HMX1: variants seen among roughly 807,000 people sequenced by gnomAD.
HMX1 encodes H6 family homeobox 1.
HMX1 carries 8 observed loss-of-function variants against 8.9 expected under a neutral mutation model. The ratio of observed to expected loss-of-function variants is 0.90; its 90% CI spans 0.53 to 1.63. The LOEUF (loss-of-function observed/expected upper bound fraction) is 1.63, where lower values mean the gene tolerates loss of function less well. Ranked by LOEUF, HMX1 falls within the 40% of genes most tolerant of loss-of-function variation. The probability of loss-of-function intolerance (pLI) is 0.00; values close to 1 mark genes in which losing one functional copy is unlikely to be tolerated. For missense variants in HMX1, 621 were observed against 558.5 expected, an observed-to-expected ratio of 1.11 and a Z score of -1.13; for synonymous variants, 311 against 283.4, an observed-to-expected ratio of 1.10 and a Z score of -0.98.
At chr4:8,859,978 G>C (rs919394334) in intron 1 of HMX1, among the ~76,000 whole-genome samples, 59 of 152,378 alleles carry the variant, frequency 3.9e-4, no homozygotes, top group African/African-American at 1.3e-3. Flanking sequence ...ACAACTGCCC[G>C]TGGTGGGAGT....
In HMX1 at chr4:8,868,264, G is replaced by A. The variant is rs1225428085; in HGVS notation, c.476C>T (p.Ala159Val). The change falls in exon 2 of 2, where the codon GCG becomes GTG. Residue 159 changes from alanine (A) to valine (V), a missense_variant. Transcript: ENST00000400677. This position sits in a 1 kb window ranked among gnomAD's most constrained non-coding sequence, Gnocchi z 4.6. ...CAGCTCCGCTGCCTCCCGCTGCACC[G>A]CTCCCGGCCCGGGGCCTCGCGGCCA... ...GAWPRGPGPGAVQREAAELAA... is the reference protein window; with the variant it reads ...GAWPRGPGPGVVQREAAELAA... 13 of 1,439,260 alleles carry A rather than the reference G, an allele frequency of 9.0e-6. No individual in the cohort carries two copies. The Admixed American group carries it at 3.5e-4, about 39-fold the overall frequency. 89.2% of individuals were successfully genotyped at this position (1,439,260 alleles called of 1,614,324 possible). A position where few individuals can be genotyped will look rare whatever the true frequency, so the allele number is the denominator to read the frequency against.
In HMX1 at chr4:8,871,361, G is replaced by A. The variant is rs1722212738; in HGVS notation, c.254C>T (p.Ala85Val). Residue 85 changes from alanine to valine, a missense_variant, in exon 1 of 2, where the codon GCG (alanine) becomes GTG (valine). Transcript: ENST00000400677. The surrounding 1 kb of genome is among the most constrained non-coding windows in gnomAD (Gnocchi z 4.8). ...GCCCAGCGCGCCCGGCCCGAGCAGC[G>A]CACGGGCCCGCGCCTCCCCGCCGGG... is the stretch of plus-strand genomic sequence containing the variant. ...TGPGGEARAR[A>V]LLGPGALGLG... 2 of 1,241,860 alleles carry A rather than the reference G, an allele frequency of 1.6e-6. No homozygotes were observed. Among genetic ancestry groups the A allele is most frequent in the Non-Finnish European group, 2.0e-6 (2 of 993,466 alleles). 76.9% of individuals were successfully genotyped at this position (1,241,860 alleles called of 1,614,324 possible).
chr4:8,866,693 G>C (rs941103098), downstream of HMX1, among the ~76,000 whole-genome samples: 1 of 152,236 alleles, frequency 6.6e-6, no homozygotes, highest in Non-Finnish European at 1.5e-5. Context: ...GGAAATGGCT[G>C]TGCACACGGG....
chr4:8,857,537 G>T (rs1179422008), intron 1 of HMX1, among the ~76,000 whole-genome samples: 1 of 152,152 alleles, frequency 6.6e-6, no homozygotes, highest in African/African-American at 2.4e-5. Context: ...CGGAAGTGAC[G>T]GCTGACCTAG....
chr4:8,863,047 G>C (rs899818937), downstream of HMX1, among the ~76,000 whole-genome samples: 2 of 23,686 alleles, frequency 8.4e-5, no homozygotes, highest in Non-Finnish European at 1.4e-4. Flanking sequence ...ACGAATTTCC[G>C]GTGGCTGGGA....
At chr4:8,855,492 TCTC>T (rs993144334) in intron 1 of HMX1, among the ~76,000 whole-genome samples, 2 of 151,264 alleles carry the variant, frequency 1.3e-5, no homozygotes, top group African/African-American at 4.9e-5. Context: ...AGGCGGGAGG[TCTC>T]CTAGCACACT....
intron 1 of HMX1, chr4:8,846,444 G>A: frequency 1.4e-6 from 1 of 734,900 alleles, no homozygotes; most frequent in Non-Finnish European, 2.2e-6. Flanking sequence ...CTCACAGAGT[G>A]GTCTCCAAAC....
chr4:8,852,648 C>T (rs1261369217), intron 1 of HMX1, among the ~76,000 whole-genome samples: 1 of 152,202 alleles, frequency 6.6e-6, no homozygotes, highest in Admixed American at 6.5e-5. Flanking sequence ...ACTGGTGCAG[C>T]TGAAGGGCTT....
rs1461878201 is a variant in HMX1 at position 8,853,494 on chromosome 4, G to A, written c.395-7170C>T. On this transcript the variant is annotated intron_variant, in intron 1 of 1. Transcript: ENST00000506970. The surrounding 1 kb of genome is among the most constrained non-coding windows in gnomAD (Gnocchi z 4.7). The stretch of plus-strand genomic sequence containing the variant: ...CGGGCTGAGCTGCAAGGGAGGCTGG[G>A]AAATGTAGTCTTTAGCTAAGTGCCC... Among the ~76,000 whole-genome samples the A allele has an allele frequency of 6.6e-6, 1 of 152,194 alleles. No homozygotes were observed. Among genetic ancestry groups the A allele is most frequent in the African/African-American group, 2.4e-5 (1 of 41,442 alleles).
chr4:8,865,002 C>T (rs1163864317), downstream of HMX1, among the ~76,000 whole-genome samples: 1 of 152,238 alleles, frequency 6.6e-6, no homozygotes, highest in African/African-American at 2.4e-5. Context: ...GGCTTGGTGA[C>T]CGGTTCCATG....
chr4:8,868,741 C>T lies in HMX1; in HGVS notation c.395-396G>A, dbSNP rs948050910. Among the ~76,000 whole-genome samples, 1 of 152,164 alleles carries T rather than the reference C, an allele frequency of 6.6e-6. No individual in the cohort carries two copies. Among genetic ancestry groups the T allele is most frequent in the Non-Finnish European group, 1.5e-5 (1 of 68,032 alleles). Reference sequence around the variant, plus strand: ...GCGGCCCGGAAAAACACACAAACCTCCCGCAGAAGTCCCGGGACAAGAGGA... The same window carrying T: ...GCGGCCCGGAAAAACACACAAACCTTCCGCAGAAGTCCCGGGACAAGAGGA... On this transcript the variant is annotated intron_variant, in intron 1 of 1. Coordinates refer to ENST00000400677, the MANE Select transcript of HMX1 (RefSeq NM_018942.3). This position sits in a 1 kb window ranked among gnomAD's most constrained non-coding sequence, Gnocchi z 4.6.
At chr4:8,855,382 A>G (rs1298774616) in intron 1 of HMX1, among the ~76,000 whole-genome samples, 5 of 152,208 alleles carry the variant, frequency 3.3e-5, no homozygotes, top group Non-Finnish European at 5.9e-5. Context: ...CTTGTCCCCA[A>G]GGAGCTCACA....
chr4:8,853,869 G>A lies in HMX1; in HGVS notation c.395-7545C>T, dbSNP rs1224248316. 2.6e-5 allele frequency among the ~76,000 whole-genome samples: 4 copies of A among 152,200 alleles called. No homozygotes were observed. The highest frequency in any genetic ancestry group is 2.1e-4 in the South Asian group (1 of 4,822). ...ATTCCATCTCAAAAAAAAGGGGGGC[G>A]GGGGAAGAATGGATCCCCCTTTCCT... On this transcript the variant is annotated intron_variant, in intron 1 of 1. Coordinates refer to the HMX1 transcript ENST00000506970. The surrounding 1 kb of genome is among the most constrained non-coding windows in gnomAD (Gnocchi z 4.7).
chr4:8,857,639 A>C (rs548342798), intron 1 of HMX1, among the ~76,000 whole-genome samples: 1 of 151,668 alleles, frequency 6.6e-6, no homozygotes, highest in East Asian at 2.0e-4. Flanking sequence ...GCGAGCACGC[A>C]GGGGTCTCCC....
rs1364147189 is a variant in HMX1, at chr4:8,867,113, G to A, written c.*580C>T. ...GATTCATTTAAAAAAACAACAACCC[G>A]GAGGCTGCGACGTCTGCAGAGAGCC... On this transcript the variant is annotated 3_prime_UTR_variant, in exon 2 of 2. Transcript: ENST00000400677. The A allele has an allele frequency of 1.0e-6, 1 of 985,474 alleles. No individual in the cohort carries two copies. Among genetic ancestry groups the A allele is most frequent in the South Asian group, 4.7e-5 (1 of 21,280 alleles). 61.0% of individuals were successfully genotyped at this position (985,474 alleles called of 1,614,324 possible). A position where few individuals can be genotyped will look rare whatever the true frequency, so the allele number is the denominator to read the frequency against.
At chr4:8,857,041 G>A (rs1250507811) in intron 1 of HMX1, among the ~76,000 whole-genome samples, 2 of 152,164 alleles carry the variant, frequency 1.3e-5, no homozygotes, top group African/African-American at 4.8e-5. Context: ...CCCTGATCGC[G>A]ACACTGCACT....
rs1721530270 is a variant in HMX1 at position 8,853,883 on chromosome 4, TC to T, written c.395-7560del. On this transcript the variant is annotated intron_variant, in intron 1 of 1. Transcript: ENST00000506970. This position sits in a 1 kb window ranked among gnomAD's most constrained non-coding sequence, Gnocchi z 4.7. ...AAAAGGGGGGCGGGGGAAGAATGGA[TC>T]CCCCTTTCCTCACTCTGAGATCAGA... Among the ~76,000 whole-genome samples the T allele has an allele frequency of 6.6e-6, 1 of 152,076 alleles. No individual in the cohort carries two copies. The highest frequency in any genetic ancestry group is 1.5e-5 in the Non-Finnish European group (1 of 68,010).
At chr4:8,862,354 T>C (rs966335528), downstream of HMX1, among the ~76,000 whole-genome samples, 16 of 152,206 alleles carry the variant, frequency 1.1e-4, no homozygotes, top group African/African-American at 3.9e-4. Context: ...AAACCCCTAA[T>C]GTTTCTTGGT....
At chr4:8,860,004 C>T (rs1425041892) in intron 1 of HMX1, among the ~76,000 whole-genome samples, 1 of 152,260 alleles carries the variant, frequency 6.6e-6, no homozygotes, top group Non-Finnish European at 1.5e-5. Flanking sequence ...GCTTAGGTCC[C>T]CATTAGAACC....
Sources: allele counts gnomAD v4.1 joint callset (sites outside exome capture counted in the v4.1 genomes callset), GRCh38; gene constraint gnomAD v4.1.1; non-coding constraint Gnocchi (gnomAD v3.1); transcripts MANE v1.5; gene names NCBI Gene and HGNC (gene_info 2026-07-23, HGNC 2026-07-21).